Variants in NCKAP5 observed in about 807,000 individuals in gnomAD.
The protein encoded by NCKAP5 is NCK associated protein 5.
Under a neutral mutation model 167.0 loss-of-function variants are expected in NCKAP5, and 92 were observed. The ratio of observed to expected loss-of-function variants is 0.55; its 90% CI spans 0.47 to 0.66. The LOEUF (loss-of-function observed/expected upper bound fraction) is 0.66, where lower values mean the gene tolerates loss of function less well. Ranked by LOEUF, NCKAP5 falls within the 30% of genes least tolerant of loss-of-function variation. The pLI, the probability that NCKAP5 is intolerant of heterozygous loss-of-function variation, is 0.00. For missense variants in NCKAP5, 2,378 were observed against 2,315.0 expected, an observed-to-expected ratio of 1.03 and a Z score of -0.56; for synonymous variants, 891 against 877.4, an observed-to-expected ratio of 1.02 and a Z score of -0.27.
chr2:133,563,485 C>T (rs1452988410), intron 1 of NCKAP5, among the ~76,000 whole-genome samples: 1 of 134,668 alleles, frequency 7.4e-6, no homozygotes, highest in African/African-American at 2.8e-5. Flanking sequence ...AGGAGAATAG[C>T]TTGAACCAGG....
chr2:133,548,946 G>C (rs1399141154), intron 2 of NCKAP5, among the ~76,000 whole-genome samples: 1 of 151,866 alleles, frequency 6.6e-6, no homozygotes, highest in Non-Finnish European at 1.5e-5. Flanking sequence ...ATTGGATCAA[G>C]AGTCAAGACC....
chr2:133,316,377 T>C (rs1681610373), intron 3 of NCKAP5, among the ~76,000 whole-genome samples: 1 of 152,166 alleles, frequency 6.6e-6, no homozygotes, highest in African/African-American at 2.4e-5. Flanking sequence ...AGGAACTCTT[T>C]TAGGAAAACC....
the NCKAP5 span, among the ~76,000 whole-genome samples, chr2:133,583,968 A>G: frequency 6.6e-6 from 1 of 152,046 alleles, no homozygotes; most frequent in Non-Finnish European, 1.5e-5. Context: ...GTTAGCCAGG[A>G]TGGTCTCGAT....
intron 6 of NCKAP5, among the ~76,000 whole-genome samples, chr2:133,007,388 T>C (rs889397012): frequency 1.2e-4 from 18 of 152,172 alleles, no homozygotes; most frequent in Non-Finnish European, 2.5e-4. Flanking sequence ...CCCCATCCAA[T>C]CAAGTTAACA....
intron 3 of NCKAP5, among the ~76,000 whole-genome samples, chr2:133,355,985 C>T (rs1218251733): frequency 2.0e-5 from 3 of 151,894 alleles, no homozygotes; most frequent in Non-Finnish European, 2.9e-5. Flanking sequence ...TGGAGTGCAG[C>T]GGCGTGATCA....
chr2:133,492,325 G>A (rs2151356572), intron 3 of NCKAP5, among the ~76,000 whole-genome samples: 1 of 152,292 alleles, frequency 6.6e-6, no homozygotes. Context: ...GACAACATTG[G>A]TACCTTACAG....
chr2:133,674,122 A>G, the NCKAP5 span, among the ~76,000 whole-genome samples: 2 of 152,182 alleles, frequency 1.3e-5, no homozygotes, highest in African/African-American at 4.8e-5. Context: ...CGAATTCCCA[A>G]GTTAGCAGCT....
At chr2:133,197,164 A>C (rs573789644) in intron 5 of NCKAP5, among the ~76,000 whole-genome samples, 1 of 152,324 alleles carries the variant, frequency 6.6e-6, no homozygotes, top group South Asian at 2.1e-4. Flanking sequence ...AAAGAGAGGG[A>C]ATCATCAAAG....
chr2:133,312,520 G>A (rs140567463), intron 3 of NCKAP5, among the ~76,000 whole-genome samples: 13 of 152,254 alleles, frequency 8.5e-5, no homozygotes, highest in African/African-American at 3.1e-4. Flanking sequence ...AGCAGAAATG[G>A]TTTGTGCAAT....
chr2:133,076,376 C>A (rs2080602559), intron 6 of NCKAP5, among the ~76,000 whole-genome samples: 1 of 152,064 alleles, frequency 6.6e-6, no homozygotes, highest in Admixed American at 6.6e-5. Flanking sequence ...GTCCTGGAAC[C>A]CATACCTCAG....
intron 2 of NCKAP5, among the ~76,000 whole-genome samples, chr2:133,522,840 T>C (rs1481589814): frequency 5.3e-5 from 8 of 152,228 alleles, no homozygotes; most frequent in Non-Finnish European, 8.8e-5. Flanking sequence ...AACCGAGTAG[T>C]GTTAATGTCT....
intron 7 of NCKAP5, among the ~76,000 whole-genome samples, chr2:132,975,766 T>C (rs1405432137): frequency 6.6e-6 from 1 of 151,838 alleles, no homozygotes; most frequent in African/African-American, 2.4e-5. Context: ...TAGTTAAACT[T>C]ACATGCTTAA....
chr2:133,553,431 G>A (rs186169235), intron 2 of NCKAP5, among the ~76,000 whole-genome samples: 4 of 152,274 alleles, frequency 2.6e-5, no homozygotes, highest in South Asian at 2.1e-4. Flanking sequence ...TTTTAATGTC[G>A]TCAGCCCAAA....
At chr2:133,213,056 T>C (rs2086276155) in intron 5 of NCKAP5, among the ~76,000 whole-genome samples, 1 of 152,170 alleles carries the variant, frequency 6.6e-6, no homozygotes, top group African/African-American at 2.4e-5. Flanking sequence ...GTTTCAGAAG[T>C]AGCAACAGCA....
chr2:132,770,198 G>C (rs1289370593), intron 16 of NCKAP5, among the ~76,000 whole-genome samples: 1 of 152,044 alleles, frequency 6.6e-6, no homozygotes, highest in East Asian at 1.9e-4. Context: ...AACTTTGCCT[G>C]AGTTCTTGTT....
intron 5 of NCKAP5, among the ~76,000 whole-genome samples, chr2:133,163,046 G>A (rs2083863084): frequency 6.6e-6 from 1 of 152,052 alleles, no homozygotes; most frequent in African/African-American, 2.4e-5. Context: ...AGCAAATGGG[G>A]GAAACGTTCT....
chr2:133,230,447 C>A (rs772940788), intron 4 of NCKAP5, among the ~76,000 whole-genome samples: 1 of 152,142 alleles, frequency 6.6e-6, no homozygotes, highest in Non-Finnish European at 1.5e-5. Context: ...CTGAAGAGTG[C>A]AATTAGAGAA....
At chr2:133,631,650 T>G in the NCKAP5 span, among the ~76,000 whole-genome samples, 1 of 152,184 alleles carries the variant, frequency 6.6e-6, no homozygotes, top group Admixed American at 6.5e-5. Flanking sequence ...CTATGTTGAG[T>G]TTGATACAAT....
chr2:132,934,648 AC>A (rs912605471), intron 8 of NCKAP5, among the ~76,000 whole-genome samples: 73 of 152,248 alleles, frequency 4.8e-4, no homozygotes, highest in African/African-American at 1.6e-3. Context: ...AAGAAAAAAA[AC>A]CTTTTAAATC....
Sources: allele counts gnomAD v4.1 joint callset (sites outside exome capture counted in the v4.1 genomes callset), GRCh38; gene constraint gnomAD v4.1.1; transcripts MANE v1.5; gene names NCBI Gene and HGNC (gene_info 2026-07-23, HGNC 2026-07-21).